The following PPP2R3C variants were observed in gnomAD, a reference collection of about 807,000 sequenced individuals.
PPP2R3C encodes serine/threonine-protein phosphatase 2A regulatory subunit B'' subunit gamma.
In PPP2R3C, 47 loss-of-function variants were observed where a neutral mutation model predicts 63.7. The observed-to-expected ratio is 0.74, with a 90% CI of 0.58 to 0.94. The LOEUF is 0.94. Among genes scored for constraint, PPP2R3C ranks in the 40% least tolerant of loss-of-function variants. PPP2R3C has a pLI of 0.00. For missense variants in PPP2R3C, 421 were observed against 518.4 expected (o/e 0.81, Z 1.82); for synonymous variants, 180 against 177.4 (o/e 1.01, Z -0.12).
At chr14:35,106,803 G>A (rs1313456252) in intron 6 of PPP2R3C, among the ~76,000 whole-genome samples, 1 of 151,256 alleles carries the variant, frequency 6.6e-6, no homozygotes, top group African/African-American at 2.4e-5. Flanking sequence ...AAGTAGCTGG[G>A]ATTACAGGTA....
At chr14:35,095,007 G>A (rs369008918) in intron 10 of PPP2R3C, 41 bp downstream of exon 10, 27 of 1,560,490 alleles carry the variant, frequency 1.7e-5, no homozygotes, top group Non-Finnish European at 2.4e-5. Context: ...AACTCTGGGA[G>A]CCTAAACTTT....
rs2138594120 is a variant in PPP2R3C at position 35,087,612 on chromosome 14, C to A, written c.1173+339G>T. 5 of 228,014 alleles carry A rather than the reference C, an allele frequency of 2.2e-5. 1 individual carries two copies. In the South Asian group the frequency reaches 2.4e-4, roughly 11 times the overall value. 14.1% of individuals were successfully genotyped at this position (228,014 alleles called of 1,614,324 possible). A position where few individuals can be genotyped will look rare whatever the true frequency, so the allele number is the denominator to read the frequency against. Reference sequence around the variant, plus strand: ...ACGGGGTTTCACCATGTTGACCAGGCTGGTCTTGAACTCCTGACCTCGGAT... The same window carrying A: ...ACGGGGTTTCACCATGTTGACCAGGATGGTCTTGAACTCCTGACCTCGGAT... On this transcript the variant is annotated intron_variant, in intron 12 of 12. Transcript: ENST00000261475.
chr14:35,098,743 T>TG (rs2046089585), intron 7 of PPP2R3C: 2 of 152,822 alleles, frequency 1.3e-5, no homozygotes, highest in African/African-American at 4.8e-5. Context: ...TAGTTAAGTC[T>TG]GGGCAGGTTT....
intron 7 of PPP2R3C, among the ~76,000 whole-genome samples, chr14:35,097,930 C>A (rs1286102362): frequency 6.6e-6 from 1 of 151,996 alleles, no homozygotes; most frequent in Non-Finnish European, 1.5e-5. Flanking sequence ...AGTTTGAATG[C>A]CACTTTTAAA....
chr14:35,121,716 T>C, intron 1 of PPP2R3C, 186 bp downstream of exon 1: 9 of 608,168 alleles, frequency 1.5e-5, no homozygotes, highest in Non-Finnish European at 2.0e-5. Context: ...CTCTAGATTC[T>C]GCCCCAGGAA....
intron 1 of PPP2R3C, 141 bp downstream of exon 1, chr14:35,121,761 C>T: frequency 1.1e-6 from 1 of 932,592 alleles, no homozygotes; most frequent in Admixed American, 2.5e-5. Context: ...CCTTAAACCA[C>T]ATTCCACTCC....
At chr14:35,107,642 A>C (rs1419469510) in intron 5 of PPP2R3C, 5 of 423,462 alleles carry the variant, frequency 1.2e-5, no homozygotes, top group African/African-American at 5.9e-5. Flanking sequence ...AGCTAGTATA[A>C]TATTATGCCT....
chr14:35,099,036 A>T, intron 7 of PPP2R3C: 1 of 491,674 alleles, frequency 2.0e-6, no homozygotes, highest in Non-Finnish European at 3.3e-6. Flanking sequence ...ACAGCAGGTT[A>T]TGGTCAGTGC....
At chr14:35,110,132 T>C (rs1202979884) in intron 3 of PPP2R3C, 11 of 512,786 alleles carry the variant, frequency 2.1e-5, no homozygotes, top group Non-Finnish European at 3.8e-5. Context: ...TGATATACAC[T>C]GCCTCTTTAA....
intron 1 of PPP2R3C, chr14:35,117,054 A>G (rs1322352527): frequency 2.2e-6 from 1 of 455,802 alleles, no homozygotes; most frequent in South Asian, 1.6e-5. Flanking sequence ...TTCAATGAAA[A>G]GAATTTACTG....
intron 5 of PPP2R3C, chr14:35,107,892 A>G (rs2046412248): frequency 2.2e-6 from 1 of 446,802 alleles, no homozygotes; most frequent in South Asian, 6.7e-5. Context: ...ATTACCATAC[A>G]TTAAAACTCT....
chr14:35,096,498 T>C, intron 9 of PPP2R3C, 60 bp downstream of exon 9: 3 of 1,494,204 alleles, frequency 2.0e-6, no homozygotes, highest in Non-Finnish European at 2.8e-6. Flanking sequence ...AACTGTCCTC[T>C]GAACACCAAT....
intron 12 of PPP2R3C, chr14:35,086,654 C>T (rs887959328): frequency 2.6e-5 from 4 of 152,352 alleles, no homozygotes; most frequent in African/African-American, 4.8e-5. Flanking sequence ...TGTGCCACCA[C>T]ATCTGGCCAA....
In PPP2R3C at chr14:35,113,657, G is replaced by A. The variant is rs181421858; in HGVS notation, c.186+2953C>T. Among the ~76,000 whole-genome samples the A allele has an allele frequency of 2.0e-5, 3 of 152,222 alleles. No homozygotes were observed. The East Asian group carries it at 5.8e-4, about 29-fold the overall frequency. ...ACTGACACCATAATGTCCAAACCAT[G>A]CCTTTTACTCAAAAGAATTCCAGTA... On this transcript the variant is annotated intron_variant, in intron 2 of 12. Transcript: ENST00000261475.
At chr14:35,106,097 G>A (rs1305330913) in intron 6 of PPP2R3C, among the ~76,000 whole-genome samples, 13 of 150,982 alleles carry the variant, frequency 8.6e-5, no homozygotes, top group East Asian at 1.9e-4. Context: ...CGCCCGCCTC[G>A]GCCTCCCAAA....
In PPP2R3C at chr14:35,109,818, C is replaced by T. The variant is rs766302306; in HGVS notation, c.404+1G>A. On this transcript the variant is annotated splice_donor_variant, in intron 4 of 12. Coordinates refer to ENST00000261475, the MANE Select transcript of PPP2R3C (RefSeq NM_017917.4). LOFTEE classifies it high-confidence loss of function. ...TCTTTTGTTAATTATATTATTCTTACTTGCACTTTGCTCCAGCCTTTTCAC... is the reference window on the plus strand; with the variant it reads ...TCTTTTGTTAATTATATTATTCTTATTTGCACTTTGCTCCAGCCTTTTCAC... 5 of 1,554,884 alleles carry T rather than the reference C, an allele frequency of 3.2e-6. No individual in the cohort carries two copies. Among genetic ancestry groups the T allele is most frequent in the Non-Finnish European group, 3.5e-6 (4 of 1,128,830 alleles).
chr14:35,107,627 G>C (rs2046405775), intron 5 of PPP2R3C: 5 of 461,112 alleles, frequency 1.1e-5, no homozygotes, highest in African/African-American at 7.8e-5. Context: ...CCACCAAACA[G>C]GGACAGCTAG....
intron 9 of PPP2R3C, among the ~76,000 whole-genome samples, 196 bp from the exon 10 acceptor site, chr14:35,095,380 G>A (rs1362721127): frequency 2.0e-5 from 3 of 151,988 alleles, no homozygotes; most frequent in Non-Finnish European, 4.4e-5. Flanking sequence ...GCTAGAAACA[G>A]CCAAAAAAAC....
intron 11 of PPP2R3C, among the ~76,000 whole-genome samples, chr14:35,089,209 C>A (rs1334939507): frequency 6.6e-6 from 1 of 152,080 alleles, no homozygotes; most frequent in Non-Finnish European, 1.5e-5. Flanking sequence ...CTCTAGTGAT[C>A]TTCCCACCTT....
Sources: allele counts gnomAD v4.1 joint callset (sites outside exome capture counted in the v4.1 genomes callset), GRCh38; gene constraint gnomAD v4.1.1; transcripts MANE v1.5; gene names NCBI Gene and HGNC (gene_info 2026-07-23, HGNC 2026-07-21).